TMEM182: variants seen among roughly 807,000 people sequenced by gnomAD.
TMEM182 encodes the protein transmembrane protein 182.
TMEM182 carries 20 observed loss-of-function variants against 26.8 expected under a neutral mutation model. The observed-to-expected ratio is 0.75, with a 90% CI of 0.53 to 1.09. The LOEUF is 1.09. TMEM182 is among the 50% of genes least tolerant of loss of function. The probability of loss-of-function intolerance (pLI) is 0.00; values close to 1 mark genes in which losing one functional copy is unlikely to be tolerated. For missense variants in TMEM182, 277 were observed against 275.5 expected, an observed-to-expected ratio of 1.01 and a Z score of -0.04; for synonymous variants, 109 against 102.2, an observed-to-expected ratio of 1.07 and a Z score of -0.40.
intron 1 of TMEM182, among the ~76,000 whole-genome samples, chr2:102,755,521 C>G (rs192495988): frequency 7.2e-5 from 11 of 152,304 alleles, no homozygotes; most frequent in African/African-American, 1.9e-4. Flanking sequence ...AGAGCACATT[C>G]TAGTCACTGT....
At chr2:102,795,240 A>T (rs886574751) in intron 3 of TMEM182, among the ~76,000 whole-genome samples, 3 of 152,162 alleles carry the variant, frequency 2.0e-5, no homozygotes, top group African/African-American at 4.8e-5. Context: ...AGTCTGTCTG[A>T]TAATTCATAT....
At chr2:102,769,574 C>T (rs1214748287) in intron 3 of TMEM182, among the ~76,000 whole-genome samples, 1 of 152,130 alleles carries the variant, frequency 6.6e-6, no homozygotes, top group African/African-American at 2.4e-5. Flanking sequence ...TATGTTAGCA[C>T]ACATTTCCCC....
chr2:102,749,489 G>A (rs56311536), intron 1 of TMEM182, among the ~76,000 whole-genome samples: 20,699 of 152,030 alleles, frequency 0.14, 1,723 homozygotes, highest in East Asian at 0.19. Context: ...AGATGAAAAC[G>A]TTCTGAAATT....
chr2:102,764,617 T>C (rs1680355297), intron 3 of TMEM182, among the ~76,000 whole-genome samples, 190 bp downstream of exon 3: 1 of 152,172 alleles, frequency 6.6e-6, no homozygotes, highest in Non-Finnish European at 1.5e-5. Context: ...ATAACTTTGA[T>C]CTAAAAGTAA....
At chr2:102,838,446 A>G (rs1378918288) in intron 3 of TMEM182, among the ~76,000 whole-genome samples, 1 of 152,098 alleles carries the variant, frequency 6.6e-6, no homozygotes, top group African/African-American at 2.4e-5. Context: ...GAAGAGGGGG[A>G]AGGGCTGAAA....
intron 3 of TMEM182, among the ~76,000 whole-genome samples, chr2:102,840,639 A>T (rs1031203789): frequency 6.6e-6 from 1 of 152,206 alleles, no homozygotes; most frequent in African/African-American, 2.4e-5. Flanking sequence ...AAAAAAGAAC[A>T]TTTGACAGAC....
chr2:102,764,471 C>T, intron 3 of TMEM182, 44 bp downstream of exon 3: 1 of 1,542,830 alleles, frequency 6.5e-7, no homozygotes, highest in Middle Eastern at 1.7e-4. Flanking sequence ...AGGGTCTTAT[C>T]TTTCTGAAGG....
At chr2:102,770,237 C>T (rs775562564) in intron 3 of TMEM182, among the ~76,000 whole-genome samples, 21 of 152,230 alleles carry the variant, frequency 1.4e-4, no homozygotes, top group African/African-American at 2.9e-4. Context: ...CAATGTCAAA[C>T]GCAGAATGAA....
chr2:102,839,550 T>C (rs13016714), intron 3 of TMEM182, among the ~76,000 whole-genome samples: 3,360 of 151,356 alleles, frequency 0.022, 82 homozygotes, highest in Non-Finnish European at 0.025. Context: ...ATTTTAAAGA[T>C]CTAAACTTTA....
intron 3 of TMEM182, among the ~76,000 whole-genome samples, chr2:102,824,574 C>G (rs1682994801): frequency 6.6e-6 from 1 of 152,044 alleles, no homozygotes; most frequent in Non-Finnish European, 1.5e-5. Context: ...CCTGTAATCC[C>G]AGCACTTTGG....
intron 3 of TMEM182, among the ~76,000 whole-genome samples, chr2:102,773,881 G>C (rs571734512): frequency 7.9e-5 from 12 of 152,094 alleles, no homozygotes; most frequent in African/African-American, 2.9e-4. Context: ...TCTATCAAAT[G>C]AACATCACCC....
At chr2:102,778,889 A>G (rs1363047539) in intron 3 of TMEM182, among the ~76,000 whole-genome samples, 1 of 152,142 alleles carries the variant, frequency 6.6e-6, no homozygotes. Flanking sequence ...AAAACTTAGG[A>G]GGAAGAATAT....
chr2:102,825,179 A>G (rs1558792725), intron 3 of TMEM182, among the ~76,000 whole-genome samples: 1 of 152,256 alleles, frequency 6.6e-6, no homozygotes, highest in African/African-American at 2.4e-5. Context: ...CTATTGGAAG[A>G]CACAACAGGA....
intron 3 of TMEM182, among the ~76,000 whole-genome samples, chr2:102,830,501 CT>C (rs374025620): frequency 0.011 from 1,677 of 150,724 alleles, 42 homozygotes; most frequent in African/African-American, 0.038. Context: ...ATTCCAAGTG[CT>C]TTTTTTTTGG....
chr2:102,837,196 G>GA (rs934488210), intron 3 of TMEM182, among the ~76,000 whole-genome samples: 1 of 151,714 alleles, frequency 6.6e-6, no homozygotes, highest in African/African-American at 2.4e-5. Context: ...AATTCTATTT[G>GA]AAAAACAAAT....
At chr2:102,749,843 C>T (rs1437248096) in intron 1 of TMEM182, among the ~76,000 whole-genome samples, 1 of 151,788 alleles carries the variant, frequency 6.6e-6, no homozygotes, top group African/African-American at 2.4e-5. Context: ...GTAAAAAATA[C>T]AAATATTTGC....
At chr2:102,823,121 A>C (rs1187086558) in intron 3 of TMEM182, among the ~76,000 whole-genome samples, 2 of 152,140 alleles carry the variant, frequency 1.3e-5, no homozygotes. Context: ...AAATGACAGC[A>C]TCTCAGTCTG....
intron 1 of TMEM182, among the ~76,000 whole-genome samples, chr2:102,755,340 G>C (rs1679999013): frequency 6.6e-6 from 1 of 152,166 alleles, no homozygotes; most frequent in Non-Finnish European, 1.5e-5. Flanking sequence ...AGTATTCCAA[G>C]CAGTGCATAT....
Position 102,797,881 on chromosome 2 carries a change from C to T in TMEM182, c.350C>T (p.Ala117Val), listed in dbSNP as rs748065013. Residue 117 changes from alanine to valine, a missense_variant, in exon 4 of 5, where the codon GCA becomes GTA. Physicochemically the swap from Ala to Val is moderately conservative, Grantham distance 64 (BLOSUM62 0). Coordinates refer to ENST00000412401, the MANE Select transcript of TMEM182 (RefSeq NM_144632.5). ...DSAVIYRGFW[A>V]VLMLLGVVAV... ...TCTCCAGTTTACCGTGGTTTCTGGG[C>T]AGTCCTGATGCTCCTGGGGGTAGTT... 2.5e-6 allele frequency: 4 copies of T among 1,613,350 alleles called. No homozygotes were observed. The highest frequency in any genetic ancestry group is 3.4e-6 in the Non-Finnish European group (4 of 1,179,830).
Sources: gnomAD v4.1 joint callset for allele counts (sites outside exome capture counted in the v4.1 genomes callset) on GRCh38, gnomAD v4.1.1 for gene constraint, MANE v1.5 for transcripts, NCBI Gene and HGNC (gene_info 2026-07-23, HGNC 2026-07-21) for gene names.